The following CSMD3 variants were observed in gnomAD, a reference collection of about 807,000 sequenced individuals.
CSMD3 encodes CUB and sushi domain-containing protein 3.
Under a neutral mutation model 435.2 loss-of-function variants are expected in CSMD3, and 177 were observed. The observed-to-expected ratio is 0.41, with a 90% CI of 0.36 to 0.46. CSMD3 has a LOEUF of 0.46. CSMD3 is among the 20% of genes least tolerant of loss of function. CSMD3 has a pLI of 0.34. For missense variants in CSMD3, 4,265 were observed against 4,504.6 expected (o/e 0.95, Z 1.52); for synonymous variants, 1,656 against 1,520.5 (o/e 1.09, Z -2.07).
rs544862272 is a variant in CSMD3 at position 112,534,062 on chromosome 8, G to A, written c.4564+16609C>T. Among the ~76,000 whole-genome samples, 12 of 152,152 alleles carry A rather than the reference G, an allele frequency of 7.9e-5. No individual in the cohort carries two copies. In the East Asian group the frequency reaches 2.3e-3, roughly 29 times the overall value. On this transcript the variant is annotated intron_variant, in intron 27 of 70. Transcript: ENST00000297405. ...AAGGAAATTAAAAGATTTCTTGAAA[G>A]AGAAAGCAGGAAAGATAAAAAATTG...
intron 3 of CSMD3, among the ~76,000 whole-genome samples, chr8:113,218,356 G>A (rs909678345): frequency 6.7e-6 from 1 of 149,382 alleles, no homozygotes; most frequent in Non-Finnish European, 1.5e-5. Flanking sequence ...CTGTACTATT[G>A]TTGTAGTACA....
chr8:113,194,572 T>C (rs2092629259), intron 3 of CSMD3, among the ~76,000 whole-genome samples: 2 of 151,464 alleles, frequency 1.3e-5, no homozygotes, highest in Non-Finnish European at 3.0e-5. Context: ...TTTGTCAATA[T>C]AAATTTATTG....
chr8:112,898,477 T>A (rs545491502), intron 10 of CSMD3, among the ~76,000 whole-genome samples: 5 of 151,282 alleles, frequency 3.3e-5, no homozygotes, highest in Non-Finnish European at 7.4e-5. Context: ...TATTTTGCTT[T>A]TTAGTAAATG....
intron 1 of CSMD3, among the ~76,000 whole-genome samples, chr8:113,324,758 T>C (rs923602731): frequency 3.9e-5 from 6 of 152,060 alleles, no homozygotes; most frequent in South Asian, 2.1e-4. Context: ...CACTGAAAGA[T>C]TGCACTGTTC....
At chr8:112,852,265 A>G (rs994702002) in intron 11 of CSMD3, among the ~76,000 whole-genome samples, 2 of 152,202 alleles carry the variant, frequency 1.3e-5, no homozygotes, top group Non-Finnish European at 2.9e-5. Context: ...AGGGCATGTG[A>G]TAAGATTAGA....
intron 1 of CSMD3, among the ~76,000 whole-genome samples, chr8:113,411,822 A>G (rs913781174): frequency 1.1e-4 from 16 of 152,206 alleles, no homozygotes; most frequent in Non-Finnish European, 1.9e-4. Context: ...AAACTCTTTT[A>G]GCACATCATG....
At chr8:112,981,759 T>C (rs1027796321) in intron 6 of CSMD3, among the ~76,000 whole-genome samples, 6 of 151,676 alleles carry the variant, frequency 4.0e-5, no homozygotes, top group African/African-American at 9.7e-5. Context: ...AAATTATGAA[T>C]TGCTAGAAAT....
chr8:112,749,152 T>C (rs1189466148), intron 13 of CSMD3, among the ~76,000 whole-genome samples: 3 of 152,194 alleles, frequency 2.0e-5, no homozygotes. Flanking sequence ...TTAAGAAGTG[T>C]CTGTTCAAGT....
chr8:113,389,083 T>G (rs1050466830), intron 1 of CSMD3, among the ~76,000 whole-genome samples: 2 of 151,614 alleles, frequency 1.3e-5, no homozygotes, highest in Admixed American at 6.6e-5. Flanking sequence ...AAATATAAAA[T>G]GTCTACTGGG....
At chr8:113,199,525 C>T (rs1351223033) in intron 3 of CSMD3, among the ~76,000 whole-genome samples, 1 of 151,432 alleles carries the variant, frequency 6.6e-6, no homozygotes, top group Admixed American at 6.6e-5. Context: ...TTAAAAACTG[C>T]CTTATTATTT....
rs2130832380 is a variant in CSMD3 at position 112,314,050 on chromosome 8, G to T, written c.7552C>A (p.Pro2518Thr). 6.2e-7 allele frequency: 1 copy of T among 1,605,510 alleles called. No individual in the cohort carries two copies. The highest frequency in any genetic ancestry group is 2.2e-5 in the East Asian group (1 of 44,680). The change falls in exon 49 of 71, where the codon CCA becomes ACA. Residue 2518 changes from proline (P) to threonine (T), a missense_variant and splice_region_variant. Around this residue, in one of 3 missense-constraint regions of CSMD3, gnomAD observed 3,255 missense variants for 3,380.2 expected, o/e 0.96. Transcript: ENST00000297405. ...EFDVLQVYDG[P>T]NIQSPVLISL... ...ATAAGCACTGGACTTTGAATATTTG[G>T]TCCTTTGGGAAGAAAATAAAACAAT...
At chr8:112,589,502 T>A (rs559161389) in intron 22 of CSMD3, among the ~76,000 whole-genome samples, 7 of 152,280 alleles carry the variant, frequency 4.6e-5, no homozygotes, top group African/African-American at 7.2e-5. Context: ...ATTAAAATAT[T>A]ACGGATAATT....
rs1211408213 is a variant in CSMD3 at position 112,348,808 on chromosome 8, G to A, written c.6325+2367C>T. 4.0e-5 allele frequency among the ~76,000 whole-genome samples: 6 copies of A among 151,866 alleles called. No individual in the cohort carries two copies. In the East Asian group the frequency reaches 9.6e-4, roughly 24 times the overall value. On this transcript the variant is annotated intron_variant, in intron 40 of 70. Transcript: ENST00000297405. ...ATATAAATGTAAACTTAATCAAAAT[G>A]ATACTTTATCTACTAAAAAAGTAAT...
At chr8:113,286,822 G>C (rs1422615169) in intron 2 of CSMD3, among the ~76,000 whole-genome samples, 1 of 151,888 alleles carries the variant, frequency 6.6e-6, no homozygotes, top group African/African-American at 2.4e-5. Flanking sequence ...GAGGTTATTA[G>C]CATATTGCTG....
chr8:112,278,160 G>C (rs754366434), intron 59 of CSMD3, among the ~76,000 whole-genome samples: 8 of 152,178 alleles, frequency 5.3e-5, no homozygotes, highest in Non-Finnish European at 8.8e-5. Context: ...CAACCACAGA[G>C]CAACTGGCAG....
chr8:112,855,114 A>G (rs1419266235), intron 11 of CSMD3, among the ~76,000 whole-genome samples: 6 of 152,222 alleles, frequency 3.9e-5, no homozygotes, highest in Non-Finnish European at 5.9e-5. Flanking sequence ...ATCTGTGGTT[A>G]AATAAAATAT....
intron 18 of CSMD3, among the ~76,000 whole-genome samples, chr8:112,653,948 G>A (rs11997091): frequency 1.1e-3 from 172 of 152,128 alleles, no homozygotes; most frequent in Middle Eastern, 3.4e-3. Context: ...GTGAGCCACC[G>A]CACCCAGCCA....
chr8:113,274,098 G>A (rs1053548686), intron 3 of CSMD3, among the ~76,000 whole-genome samples: 12 of 151,772 alleles, frequency 7.9e-5, no homozygotes, highest in African/African-American at 2.9e-4. Context: ...TCTAAATAAA[G>A]CATAAAGTTT....
chr8:113,436,005 C>T (rs2094703844), intron 1 of CSMD3, among the ~76,000 whole-genome samples: 1 of 152,196 alleles, frequency 6.6e-6, no homozygotes, highest in South Asian at 2.1e-4. Context: ...TAATGACTTT[C>T]CTCCTACCTC....
Sources: gnomAD v4.1 joint callset for allele counts (sites outside exome capture counted in the v4.1 genomes callset) on GRCh38, gnomAD v4.1.1 for gene constraint, gnomAD v4.1.1 regional missense constraint, MANE v1.5 for transcripts, NCBI Gene and HGNC (gene_info 2026-07-23, HGNC 2026-07-21) for gene names.